Variants in ZNF418 observed in about 807,000 individuals in gnomAD.
The protein encoded by ZNF418 is zinc finger protein 418.
In ZNF418, 32 loss-of-function variants were observed where a neutral mutation model predicts 32.0. The observed-to-expected ratio is 1.00, with a 90% confidence interval of 0.75 to 1.34. The LOEUF is 1.34. Ranked by LOEUF, ZNF418 falls within the 40% of genes most tolerant of loss-of-function variation. ZNF418 has a pLI of 0.00. For missense variants in ZNF418, 804 were observed against 812.5 expected, an observed-to-expected ratio of 0.99 and a Z score of 0.13; for synonymous variants, 276 against 270.7, an observed-to-expected ratio of 1.02 and a Z score of -0.19.
At chr19:57,923,520 A>ATT (rs1170989472) in intron 4 of ZNF418, among the ~76,000 whole-genome samples, 1 of 143,482 alleles carries the variant, frequency 7.0e-6, no homozygotes, top group Non-Finnish European at 1.5e-5. Context: ...ACATATATAC[A>ATT]TATATACATA....
intron 1 of ZNF418, 58 bp from the exon 2 acceptor site, chr19:57,933,960 C>T (rs892938023): frequency 6.3e-7 from 1 of 1,595,276 alleles, no homozygotes; most frequent in Non-Finnish European, 8.5e-7. Context: ...TGCCTCCCCA[C>T]CGAATTTTTA....
chr19:57,934,089 G>A (rs540631015), intron 1 of ZNF418, 187 bp from the exon 2 acceptor site: 4 of 1,403,216 alleles, frequency 2.9e-6, no homozygotes, highest in East Asian at 2.6e-5. Context: ...TAGGATTCTG[G>A]GTTTAGGGTT....
chr19:57,925,040 C>T (rs2096931950), intron 4 of ZNF418, among the ~76,000 whole-genome samples: 1 of 152,130 alleles, frequency 6.6e-6, no homozygotes, highest in African/African-American at 2.4e-5. Flanking sequence ...TGTTTCCAAA[C>T]CACCCGAAAG....
At position 57,927,386 on chromosome 19, in the gene ZNF418, T is replaced by C; in HGVS notation, c.795A>G (p.Lys265=). The change falls in exon 4 of 6, where the codon AAA becomes AAG. Residue 265 remains lysine (K), a synonymous_variant. Transcript: ENST00000396147. ...KRPYECGECG[K]SFSHKGSLVQ... ...CAAGGCTGCCCTTATGACTAAAAGA[T>C]TTCCCACATTCTCCACATTCATAAG... 1 of 1,614,138 alleles carries C rather than the reference T, an allele frequency of 6.2e-7. No individual in the cohort carries two copies. Among genetic ancestry groups the C allele is most frequent in the Non-Finnish European group, 8.5e-7 (1 of 1,180,038 alleles).
Position 57,926,512 on chromosome 19 carries a change from G to A in ZNF418, c.1669C>T (p.Gln557Ter). 1 of 1,614,020 alleles carries A rather than the reference G, an allele frequency of 6.2e-7. No homozygotes were observed. The highest frequency in any genetic ancestry group is 8.5e-7 in the Non-Finnish European group (1 of 1,180,014). ...GGTCTTTCTGCAGTGTGAGTTTTCT[G>A]ATGTCGAAGGAGGGAAGAGCTCTGA... ...FHQSSSLLRH[Q>*]KTHTAERPYE... is the part of the protein sequence containing the mutation. The change falls in exon 4 of 6, where the codon CAG becomes TAG. Residue 557 changes from glutamine to a stop codon, truncating the protein, a stop_gained. Coordinates refer to ENST00000396147, the MANE Select transcript of ZNF418 (RefSeq NM_133460.3). LOFTEE classifies it low-confidence loss of function (END_TRUNC).
chr19:57,931,656 G>A (rs1433496586), intron 2 of ZNF418, among the ~76,000 whole-genome samples: 1 of 152,324 alleles, frequency 6.6e-6, no homozygotes, highest in Non-Finnish European at 1.5e-5. Flanking sequence ...GAGGGGAGTA[G>A]TGTGATCATG....
At chr19:57,924,765 C>A (rs757836218) in intron 4 of ZNF418, among the ~76,000 whole-genome samples, 2 of 152,142 alleles carry the variant, frequency 1.3e-5, no homozygotes, top group Non-Finnish European at 2.9e-5. Flanking sequence ...AGGAAATTTT[C>A]GTGTCGATCT....
intron 1 of ZNF418, among the ~76,000 whole-genome samples, chr19:57,934,486 G>C (rs2072614164): frequency 6.6e-6 from 1 of 152,124 alleles, no homozygotes; most frequent in Admixed American, 6.6e-5. Flanking sequence ...AAAGTGCTGG[G>C]ATTACAGGTG....
intron 4 of ZNF418, among the ~76,000 whole-genome samples, chr19:57,925,226 CAAG>C (rs2072161239): frequency 6.6e-6 from 1 of 152,002 alleles, no homozygotes. Context: ...TTTGGGAGGC[CAAG>C]GAGGGCAGAT....
At chr19:57,933,670 A>C in intron 2 of ZNF418, 147 bp downstream of exon 2, 2 of 1,036,780 alleles carry the variant, frequency 1.9e-6, no homozygotes, top group Admixed American at 1.8e-5. Context: ...GCAATGAGCC[A>C]AGATCGTGCC....
At chr19:57,931,262 C>T (rs185900022) in intron 2 of ZNF418, among the ~76,000 whole-genome samples, 19 of 151,932 alleles carry the variant, frequency 1.3e-4, no homozygotes, top group Admixed American at 7.9e-4. Context: ...AGTGCGGTGG[C>T]GGGATCTCAG....
chr19:57,923,146 C>CA, intron 5 of ZNF418, 46 bp downstream of exon 5: 1 of 151,838 alleles, frequency 6.6e-6, no homozygotes, highest in South Asian at 2.1e-4. Flanking sequence ...ACTAAAAATA[C>CA]AAAAATTAAC....
Position 57,927,642 on chromosome 19 carries a change from GT to G in ZNF418, c.538del (p.Thr180LeufsTer30), listed in dbSNP as rs1408643681. 3 of 1,613,932 alleles carry G rather than the reference GT, an allele frequency of 1.9e-6. No individual in the cohort carries two copies. The highest frequency in any genetic ancestry group is 2.5e-6 in the Non-Finnish European group (3 of 1,179,942). ...GCTGTTTGACTTCTCCCCAGTGTGAGTGGCCTCCTGCAGCAGTAATCCTGAG... is the reference window on the plus strand; with the variant it reads ...GCTGTTTGACTTCTCCCCAGTGTGAGGGCCTCCTGCAGCAGTAATCCTGAG... ...PSSGLLLQEA[T>X]HTGEKSNSKP... On this transcript the variant is annotated frameshift_variant, in exon 4 of 6. Transcript: ENST00000396147. LOFTEE classifies it high-confidence loss of function.
intron 2 of ZNF418, among the ~76,000 whole-genome samples, chr19:57,930,771 G>C (rs1399439990): frequency 6.6e-6 from 1 of 152,054 alleles, no homozygotes; most frequent in Non-Finnish European, 1.5e-5. Context: ...AGGGATCTAT[G>C]CTGTGCTTGT....
Position 57,928,000 on chromosome 19 carries a change from T to C in ZNF418, c.181A>G (p.Ile61Val), listed in dbSNP as rs761315575. 4 of 1,580,306 alleles carry C rather than the reference T, an allele frequency of 2.5e-6. No individual in the cohort carries two copies. The highest frequency in any genetic ancestry group is 1.1e-5 in the South Asian group (1 of 87,152). Residue 61 changes from isoleucine to valine, a missense_variant, in exon 4 of 6, where the codon ATT becomes GTT. By Grantham distance (29) the Ile-to-Val change is conservative. This residue lies in a region of ZNF418 where 307 missense variants were observed against 304.9 expected (regional missense o/e 1.01). Coordinates refer to ENST00000396147, the MANE Select transcript of ZNF418 (RefSeq NM_133460.3). The stretch of plus-strand genomic sequence containing the variant: ...ACCTGAGACACTCTTTGTATAGAAA[T>C]GCTCTTCTTAGAAGGTGCCTCCTCA... ...EDEEAPSKKSISIQRVSQVST... is the reference protein window; with the variant it reads ...EDEEAPSKKSVSIQRVSQVST...
rs1339834711 is a variant in ZNF418 at position 57,926,414 on chromosome 19, C to G, written c.1767G>C (p.Arg589Ser). ...LEHRRVHTGERPYECRECGKT... is the reference protein window; with the variant it reads ...LEHRRVHTGESPYECRECGKT... ...TTCCACATTCCCTGCATTCATAAGG[C>G]CTTTCTCCAGTGTGAACTCTCCTGT... Residue 589 changes from arginine (R) to serine (S), a missense_variant, in exon 4 of 6, where the codon AGG becomes AGC. Around this residue, in one of 3 missense-constraint regions of ZNF418, gnomAD observed 475 missense variants for 458.6 expected, o/e 1.04. Coordinates refer to ENST00000396147, the MANE Select transcript of ZNF418 (RefSeq NM_133460.3). 6.2e-7 allele frequency: 1 copy of G among 1,614,014 alleles called. No individual in the cohort carries two copies. Among genetic ancestry groups the G allele is most frequent in the Non-Finnish European group, 8.5e-7 (1 of 1,180,022 alleles).
In ZNF418 at chr19:57,925,977, C is replaced by T. The variant is rs1462525155; in HGVS notation, c.*173G>A. On this transcript the variant is annotated 3_prime_UTR_variant, in exon 4 of 6. Transcript: ENST00000396147. ...AGAAGGCAGAAGGCTTTCTCACATT[C>T]ATCGCACTCAAGAGGCCCTTCTGCA... 3.4e-6 allele frequency: 2 copies of T among 594,630 alleles called. No homozygotes were observed. The highest frequency in any genetic ancestry group is 1.9e-5 in the African/African-American group (1 of 53,970). 36.8% of individuals were successfully genotyped at this position (594,630 alleles called of 1,614,324 possible).
rs181847047 is a variant in ZNF418, at chr19:57,926,871, C to T, written c.1310G>A (p.Arg437Gln). 160 of 1,613,576 alleles carry T rather than the reference C, an allele frequency of 9.9e-5. 2 individuals are homozygous for T. The highest frequency in any genetic ancestry group is 6.6e-4 in the Middle Eastern group (4 of 6,054). The change falls in exon 4 of 6, where the codon CGA becomes CAA. Residue 437 changes from arginine to glutamine, a missense_variant. By Grantham distance (43) the Arg-to-Gln change is conservative. Coordinates refer to ENST00000396147, the MANE Select transcript of ZNF418 (RefSeq NM_133460.3). ...ECGECGKSFS[R>Q]KGNLIQHQRS... The stretch of plus-strand genomic sequence containing the variant: ...CTGATGCTGAATGAGGTTGCCCTTT[C>T]GACTAAAAGATTTCCCACATTCTCC...
rs1413683804 is a variant in ZNF418, at chr19:57,935,284, C to T, written c.-204G>A. 9 of 1,072,360 alleles carry T rather than the reference C, an allele frequency of 8.4e-6. No individual in the cohort carries two copies. Among genetic ancestry groups the T allele is most frequent in the Non-Finnish European group, 1.0e-5 (9 of 873,242 alleles). 66.4% of individuals were successfully genotyped at this position (1,072,360 alleles called of 1,614,324 possible). A position where few individuals can be genotyped will look rare whatever the true frequency, so the allele number is the denominator to read the frequency against. ...CTGTGCAGCAAGAAGGACTCTTCAC[C>T]TTCTGGGTTCAGACACCGCGGTTCG... On this transcript the variant is annotated 5_prime_UTR_variant, in exon 1 of 6. Coordinates refer to ENST00000396147, the MANE Select transcript of ZNF418 (RefSeq NM_133460.3).
Sources: gnomAD v4.1 joint callset for allele counts (sites outside exome capture counted in the v4.1 genomes callset) on GRCh38, gnomAD v4.1.1 for gene constraint, gnomAD v4.1.1 regional missense constraint, MANE v1.5 for transcripts, NCBI Gene and HGNC (gene_info 2026-07-23, HGNC 2026-07-21) for gene names.